The following WSCD2 variants were observed in gnomAD, a reference collection of about 807,000 sequenced individuals.
WSCD2 encodes the protein sialate:O-sulfotransferase 2.
In WSCD2, 28 loss-of-function variants were observed where a neutral mutation model predicts 55.7. That is an observed-to-expected ratio of 0.50 (90% CI 0.37 to 0.69). The LOEUF is 0.69. WSCD2 is among the 30% of genes least tolerant of loss of function. The pLI is 0.00. For synonymous variants in WSCD2, 301 were observed against 301.9 expected, an observed-to-expected ratio of 1.00 and a Z score of 0.03; for missense variants, 616 against 762.1, an observed-to-expected ratio of 0.81 and a Z score of 2.26.
chr12:108,239,927 C>T (rs1028067332), intron 7 of WSCD2, among the ~76,000 whole-genome samples: 1 of 152,030 alleles, frequency 6.6e-6, no homozygotes, highest in Non-Finnish European at 1.5e-5. Flanking sequence ...CACTATGTTG[C>T]CCAGGCTGGT....
chr12:108,141,747 C>T (rs893816711), intron 1 of WSCD2, among the ~76,000 whole-genome samples: 2 of 152,188 alleles, frequency 1.3e-5, no homozygotes, highest in Non-Finnish European at 2.9e-5. Flanking sequence ...CAGGTTCCTG[C>T]TTTTGGGGTC....
chr12:108,186,720 A>G (rs1267019885), intron 1 of WSCD2, among the ~76,000 whole-genome samples: 1 of 152,138 alleles, frequency 6.6e-6, no homozygotes, highest in Non-Finnish European at 1.5e-5. Flanking sequence ...CTTTGGGTAA[A>G]TTCCCATGAG....
At position 108,129,687 on chromosome 12, in the gene WSCD2, G is replaced by GC. The variant is rs1875275932; in HGVS notation, c.-790dup. The GC allele has an allele frequency of 6.6e-6, 1 of 152,284 alleles. No homozygotes were observed. Among genetic ancestry groups the GC allele is most frequent in the Admixed American group, 6.5e-5 (1 of 15,294 alleles). 9.4% of individuals were successfully genotyped at this position (152,284 alleles called of 1,614,324 possible). A position where few individuals can be genotyped will look rare whatever the true frequency, so the allele number is the denominator to read the frequency against. On this transcript the variant is annotated 5_prime_UTR_variant, in exon 1 of 9. Transcript: ENST00000547525. ...AAGGCGCACACTATCCCACTTTCCCGCTGGAGGCGCAGAGGATGCCCCTTG... is the reference window on the plus strand; with the variant it reads ...AAGGCGCACACTATCCCACTTTCCCGCCTGGAGGCGCAGAGGATGCCCCTTG...
At chr12:108,136,980 G>A (rs1321237641) in intron 1 of WSCD2, among the ~76,000 whole-genome samples, 1 of 152,164 alleles carries the variant, frequency 6.6e-6, no homozygotes, top group Non-Finnish European at 1.5e-5. Flanking sequence ...GACAGTTAAA[G>A]GCAGACTACT....
chr12:108,174,026 G>A (rs549136729), intron 1 of WSCD2, among the ~76,000 whole-genome samples: 34 of 152,118 alleles, frequency 2.2e-4, no homozygotes, highest in African/African-American at 6.3e-4. Flanking sequence ...ACTTTACAGC[G>A]TCATCTCACT....
At chr12:108,244,388 CTA>C in intron 8 of WSCD2, 1 of 659,490 alleles carries the variant, frequency 1.5e-6, no homozygotes, top group Non-Finnish European at 2.8e-6. Flanking sequence ...GCTTGGATAT[CTA>C]TTGTGCTTTT....
In WSCD2 at chr12:108,210,070, C is replaced by T; in HGVS notation, c.498-51C>T. The T allele has an allele frequency of 6.2e-7, 1 of 1,611,942 alleles. No individual in the cohort carries two copies. Among genetic ancestry groups the T allele is most frequent in the Non-Finnish European group, 8.5e-7 (1 of 1,178,630 alleles). On this transcript the variant is annotated intron_variant, in intron 3 of 8. Transcript: ENST00000547525. The surrounding 1 kb of genome is among the most constrained non-coding windows in gnomAD (Gnocchi z 4.3). ...AGGTCTCCATGTTGTGTCTCCCTGCCTCGGGGTCTCCATGGTGGCAGCTAC... is the reference window on the plus strand; with the variant it reads ...AGGTCTCCATGTTGTGTCTCCCTGCTTCGGGGTCTCCATGGTGGCAGCTAC...
chr12:108,150,597 C>T lies in WSCD2; in HGVS notation c.-552+20671C>T, dbSNP rs960529373. Among the ~76,000 whole-genome samples, 99 of 152,050 alleles carry T rather than the reference C, an allele frequency of 6.5e-4. 1 individual carries two copies. The highest frequency in any genetic ancestry group is 3.7e-4 in the Non-Finnish European group (25 of 68,012). On this transcript the variant is annotated intron_variant, in intron 1 of 8. Transcript: ENST00000547525. ...ATGGTAGGAACACAGCATGCCTGGCCGGAGCACAGAAGCAGAAGTAAAGAG... is the reference window on the plus strand; with the variant it reads ...ATGGTAGGAACACAGCATGCCTGGCTGGAGCACAGAAGCAGAAGTAAAGAG...
At chr12:108,231,676 C>T (rs1359796380) in intron 6 of WSCD2, among the ~76,000 whole-genome samples, 1 of 152,222 alleles carries the variant, frequency 6.6e-6, no homozygotes, top group Admixed American at 6.5e-5. Context: ...TCTACCCATT[C>T]ATGCATCCGT....
intron 1 of WSCD2, among the ~76,000 whole-genome samples, chr12:108,176,071 C>G (rs887388862): frequency 1.3e-5 from 2 of 152,066 alleles, no homozygotes; most frequent in African/African-American, 4.8e-5. Context: ...GATCTCCTGA[C>G]CTCATGATCC....
Position 108,141,287 on chromosome 12 carries a change from G to A in WSCD2, c.-552+11361G>A, listed in dbSNP as rs954045488. Among the ~76,000 whole-genome samples the A allele has an allele frequency of 7.9e-5, 12 of 152,230 alleles. 1 individual carries two copies. The South Asian group carries it at 1.9e-3, about 24-fold the overall frequency. On this transcript the variant is annotated intron_variant, in intron 1 of 8. Coordinates refer to ENST00000547525, the MANE Select transcript of WSCD2 (RefSeq NM_014653.4). ...GTGATTTTTAAAAAATTTTTGAAGAGATAGAGTCTCACTATATTGCCTAGG... is the reference window on the plus strand; with the variant it reads ...GTGATTTTTAAAAAATTTTTGAAGAAATAGAGTCTCACTATATTGCCTAGG...
chr12:108,188,483 G>A (rs1449667633), intron 1 of WSCD2, among the ~76,000 whole-genome samples: 1 of 152,026 alleles, frequency 6.6e-6, no homozygotes, highest in Admixed American at 6.6e-5. Context: ...TCCCAGAGAG[G>A]GTCCACCCAC....
chr12:108,235,207 C>G (rs1355162220), intron 7 of WSCD2, among the ~76,000 whole-genome samples: 2 of 151,970 alleles, frequency 1.3e-5, no homozygotes, highest in African/African-American at 2.4e-5. Context: ...AAAGATTTTC[C>G]AAAAAATATA....
chr12:108,196,107 G>C lies in WSCD2; in HGVS notation c.275G>C (p.Trp92Ser). Reference protein sequence around the residue: ...ASSIARRYGPWFKGKDGNERA... With the variant: ...ASSIARRYGPSFKGKDGNERA... Reference sequence around the variant, plus strand: ...AGCATTGCTCGCAGGTACGGACCCTGGTTCAAGGGCAAGGATGGGAATGAG... The same window carrying C: ...AGCATTGCTCGCAGGTACGGACCCTCGTTCAAGGGCAAGGATGGGAATGAG... The change falls in exon 2 of 9, where the codon TGG becomes TCG. Residue 92 changes from tryptophan to serine, a missense_variant. Trp to Ser is a radical substitution (Grantham distance 177). This residue lies in a region of WSCD2 where 374 missense variants were observed against 467.4 expected (regional missense o/e 0.80). Transcript: ENST00000547525. 6.2e-7 allele frequency: 1 copy of C among 1,614,170 alleles called. No individual in the cohort carries two copies. Among genetic ancestry groups the C allele is most frequent in the South Asian group, 1.1e-5 (1 of 91,072 alleles).
chr12:108,158,173 A>T (rs1592903435), intron 1 of WSCD2, among the ~76,000 whole-genome samples: 1 of 152,190 alleles, frequency 6.6e-6, no homozygotes, highest in East Asian at 1.9e-4. Flanking sequence ...ATTTATGCTA[A>T]TGCTGCAATT....
chr12:108,190,494 T>C (rs922418588), intron 1 of WSCD2, among the ~76,000 whole-genome samples: 5 of 152,124 alleles, frequency 3.3e-5, no homozygotes, highest in African/African-American at 4.8e-5. Context: ...CAGGCTTCCA[T>C]TCTGGCCTAC....
At chr12:108,223,358 T>C (rs1036268884) in intron 4 of WSCD2, among the ~76,000 whole-genome samples, 1 of 152,250 alleles carries the variant, frequency 6.6e-6, no homozygotes, top group African/African-American at 2.4e-5. Context: ...TGATATTTTA[T>C]AACCTGTAGA....
intron 1 of WSCD2, among the ~76,000 whole-genome samples, chr12:108,194,198 G>A (rs1260840473): frequency 6.6e-6 from 1 of 152,212 alleles, no homozygotes; most frequent in Non-Finnish European, 1.5e-5. Context: ...GGTTACAGAT[G>A]TGGGTTTCCC....
chr12:108,139,130 A>G (rs887157115), intron 1 of WSCD2, among the ~76,000 whole-genome samples: 11 of 152,226 alleles, frequency 7.2e-5, no homozygotes, highest in Non-Finnish European at 1.3e-4. Context: ...TGAGTCCCAG[A>G]CTGAGAAGAG....
Sources: gnomAD v4.1 joint callset for allele counts (sites outside exome capture counted in the v4.1 genomes callset) on GRCh38, gnomAD v4.1.1 for gene constraint, gnomAD v4.1.1 regional missense constraint, Gnocchi (gnomAD v3.1) non-coding constraint, MANE v1.5 for transcripts, NCBI Gene and HGNC (gene_info 2026-07-23, HGNC 2026-07-21) for gene names.